Variants in ETV6 observed in about 807,000 individuals in gnomAD.
ETV6 encodes the protein transcription factor ETV6.
In ETV6, 16 loss-of-function variants were observed where a neutral mutation model predicts 51.1. That is an observed-to-expected ratio of 0.31 (90% confidence interval 0.21 to 0.48). The LOEUF (loss-of-function observed/expected upper bound fraction) is 0.48. Among genes scored for constraint, ETV6 ranks in the 20% least tolerant of loss-of-function variants. The pLI is 0.99. For synonymous variants in ETV6, 240 were observed against 224.1 expected, an observed-to-expected ratio of 1.07 and a Z score of -0.64; for missense variants, 458 against 594.8, an observed-to-expected ratio of 0.77 and a Z score of 2.39.
chr12:11,652,894 A>G (rs891749052), intron 1 of ETV6, among the ~76,000 whole-genome samples: 5 of 152,102 alleles, frequency 3.3e-5, no homozygotes, highest in Non-Finnish European at 7.3e-5. Context: ...GCACTGTGTA[A>G]GTTTGCTCCC....
intron 3 of ETV6, among the ~76,000 whole-genome samples, chr12:11,842,288 C>G (rs1392586009): frequency 6.6e-6 from 1 of 152,126 alleles, no homozygotes; most frequent in Non-Finnish European, 1.5e-5. Context: ...CCCATCCCTA[C>G]TTCCCTAATT....
chr12:11,719,674 G>T (rs1276358657), intron 1 of ETV6, among the ~76,000 whole-genome samples: 19 of 152,232 alleles, frequency 1.2e-4, no homozygotes, highest in Admixed American at 9.8e-4. Context: ...TCTTTTGGGG[G>T]TGCTAGGGCA....
intron 1 of ETV6, among the ~76,000 whole-genome samples, chr12:11,694,138 A>C (rs779142790): frequency 2.0e-5 from 3 of 152,198 alleles, no homozygotes; most frequent in Non-Finnish European, 4.4e-5. Context: ...TTTTAGGCCA[A>C]CCTTATTAGA....
intron 2 of ETV6, among the ~76,000 whole-genome samples, chr12:11,813,197 G>C (rs990483637): frequency 4.6e-5 from 7 of 152,350 alleles, no homozygotes; most frequent in African/African-American, 1.7e-4. Flanking sequence ...TCCTTCCATG[G>C]AGAGACTTGG....
At chr12:11,753,329 T>A (rs1049247068) in intron 2 of ETV6, among the ~76,000 whole-genome samples, 1 of 152,320 alleles carries the variant, frequency 6.6e-6, no homozygotes, top group African/African-American at 2.4e-5. Flanking sequence ...TGCTGTGTCC[T>A]TTTTGTCTGC....
chr12:11,751,485 G>C (rs1866027680), intron 1 of ETV6: 1 of 516,934 alleles, frequency 1.9e-6, no homozygotes, highest in Admixed American at 1.9e-5. Flanking sequence ...CAACCTAGTT[G>C]GCATGTTGAT....
intron 3 of ETV6, among the ~76,000 whole-genome samples, chr12:11,843,697 A>G (rs779886082): frequency 5.9e-5 from 9 of 152,206 alleles, no homozygotes; most frequent in Non-Finnish European, 1.3e-4. Flanking sequence ...AGTCAAATAC[A>G]GTAGACTCCC....
At chr12:11,841,167 T>G (rs1166408593) in intron 3 of ETV6, among the ~76,000 whole-genome samples, 4 of 152,334 alleles carry the variant, frequency 2.6e-5, no homozygotes, top group South Asian at 4.1e-4. Flanking sequence ...CTCTTAGCAT[T>G]ATTTGTGAAA....
Position 11,747,105 on chromosome 12 carries a change from C to G in ETV6, c.34-5345C>G, listed in dbSNP as rs1407797136. On this transcript the variant is annotated intron_variant, in intron 1 of 7. Coordinates refer to ENST00000396373, the MANE Select transcript of ETV6 (RefSeq NM_001987.5). ...TTTGGTTTGTCTGGCGTACCCTCTC[C>G]CCAAGGGCTGAGTGGGCCATCTGGG... Among the ~76,000 whole-genome samples, 4 of 152,130 alleles carry G rather than the reference C, an allele frequency of 2.6e-5. No individual in the cohort carries two copies. The East Asian group carries it at 7.7e-4, about 29-fold the overall frequency.
chr12:11,764,586 C>T (rs1415105751), intron 2 of ETV6, among the ~76,000 whole-genome samples: 4 of 152,160 alleles, frequency 2.6e-5, no homozygotes, highest in African/African-American at 9.7e-5. Context: ...GGGATGATCA[C>T]GTTTGATCGT....
intron 3 of ETV6, 93 bp downstream of exon 3, chr12:11,839,397 C>T: frequency 1.6e-6 from 2 of 1,250,376 alleles, no homozygotes; most frequent in Non-Finnish European, 2.2e-6. Flanking sequence ...CAAGAAATCC[C>T]AACAGTGAGT....
intron 1 of ETV6, among the ~76,000 whole-genome samples, chr12:11,715,617 A>G (rs926468075): frequency 6.6e-6 from 1 of 152,188 alleles, no homozygotes; most frequent in Non-Finnish European, 1.5e-5. Flanking sequence ...TGCTTTCCTA[A>G]TCAGTACTCC....
chr12:11,739,845 A>T (rs1195660411), intron 1 of ETV6, among the ~76,000 whole-genome samples: 1 of 152,202 alleles, frequency 6.6e-6, no homozygotes, highest in Non-Finnish European at 1.5e-5. Context: ...GGACAGTGCG[A>T]GTCTAGACAG....
chr12:11,865,987 CCTT>C (rs1946786007), intron 4 of ETV6, among the ~76,000 whole-genome samples: 1 of 152,130 alleles, frequency 6.6e-6, no homozygotes, highest in Admixed American at 6.5e-5. Flanking sequence ...TCTATATTCT[CCTT>C]CTTGGACACC....
intron 3 of ETV6, among the ~76,000 whole-genome samples, chr12:11,842,384 T>G (rs1946404532): frequency 6.6e-6 from 1 of 150,408 alleles, no homozygotes; most frequent in Non-Finnish European, 1.5e-5. Context: ...ATTCTTTCCC[T>G]CTGTCATGGC....
chr12:11,672,786 C>T (rs1864344844), intron 1 of ETV6, among the ~76,000 whole-genome samples: 2 of 152,180 alleles, frequency 1.3e-5, no homozygotes, highest in Admixed American at 6.5e-5. Context: ...AAGAAAGGGA[C>T]CACTTGGCAG....
At position 11,869,612 on chromosome 12, in the gene ETV6, G is replaced by T; in HGVS notation, c.652G>T (p.Ala218Ser). The change falls in exon 5 of 8, where the codon GCT becomes TCT. Residue 218 changes from alanine to serine, a missense_variant. Transcript: ENST00000396373. The surrounding 1 kb of genome is among the most constrained non-coding windows in gnomAD (Gnocchi z 5.0). ...MIRRLSPAER[A>S]QGPRPHQENN... is the part of the protein sequence containing the mutation. ...CCGCCGCCTCTCCCCGGCTGAGAGAGCTCAGGGACCCAGGCCGCACCAGGA... is the reference window on the plus strand; with the variant it reads ...CCGCCGCCTCTCCCCGGCTGAGAGATCTCAGGGACCCAGGCCGCACCAGGA... The T allele has an allele frequency of 6.2e-7, 1 of 1,614,144 alleles. No homozygotes were observed. Among genetic ancestry groups the T allele is most frequent in the East Asian group, 2.2e-5 (1 of 44,866 alleles).
intron 2 of ETV6, among the ~76,000 whole-genome samples, chr12:11,796,493 T>C (rs1945678304): frequency 6.6e-6 from 1 of 152,116 alleles, no homozygotes; most frequent in African/African-American, 2.4e-5. Flanking sequence ...ACCTTCTGAC[T>C]CTCAACCCAA....
chr12:11,693,442 T>C (rs1864809282), intron 1 of ETV6, among the ~76,000 whole-genome samples: 1 of 151,910 alleles, frequency 6.6e-6, no homozygotes, highest in Non-Finnish European at 1.5e-5. Flanking sequence ...CTTAGTGTCA[T>C]CCTCTCACTC....
Sources: allele counts gnomAD v4.1 joint callset (sites outside exome capture counted in the v4.1 genomes callset), GRCh38; gene constraint gnomAD v4.1.1; non-coding constraint Gnocchi (gnomAD v3.1); transcripts MANE v1.5; gene names NCBI Gene and HGNC (gene_info 2026-07-23, HGNC 2026-07-21).